The following ELMO2 variants were observed in gnomAD, a reference collection of about 807,000 sequenced individuals.
ELMO2 encodes the protein engulfment and cell motility protein 2.
A neutral mutation model predicts 96.2 loss-of-function variants in ELMO2; 37 were observed. The ratio of observed to expected loss-of-function variants is 0.38; its 90% CI spans 0.30 to 0.51. The LOEUF (loss-of-function observed/expected upper bound fraction) is 0.51. ELMO2 is among the 20% of genes least tolerant of loss of function. ELMO2 has a pLI of 0.88. For synonymous variants in ELMO2, 315 were observed against 329.4 expected (o/e 0.96, Z 0.47); for missense variants, 561 against 912.6 (o/e 0.61, Z 4.96).
intron 7 of ELMO2, among the ~76,000 whole-genome samples, chr20:46,388,109 A>C (rs1027941434): frequency 3.3e-5 from 5 of 152,232 alleles, no homozygotes; most frequent in African/African-American, 1.2e-4. Context: ...TCCTATTTAC[A>C]AAGCATGTTC....
At position 46,380,276 on chromosome 20, in the gene ELMO2, G is replaced by C; in HGVS notation, c.784C>G (p.His262Asp). Residue 262 changes from histidine (H) to aspartate (D), a missense_variant, in exon 11 of 22, where the codon CAT (histidine) becomes GAT (aspartate). Transcript: ENST00000290246. ...QDMANAFAQK[H>D]LRSIILNHVI... The stretch of plus-strand genomic sequence containing the variant: ...ACATTCAGGATTATAGACCGGAGAT[G>C]CTTCTGTGCAAATGCATTTGCCATA... The C allele has an allele frequency of 6.2e-7, 1 of 1,613,698 alleles. No individual in the cohort carries two copies. Among genetic ancestry groups the C allele is most frequent in the South Asian group, 1.1e-5 (1 of 91,036 alleles).
intron 21 of ELMO2, among the ~76,000 whole-genome samples, chr20:46,368,387 T>C (rs146352058): frequency 4.8e-4 from 73 of 152,072 alleles, no homozygotes; most frequent in African/African-American, 1.7e-3. Flanking sequence ...GGCTTCAAAG[T>C]CCACACTGGA....
intron 10 of ELMO2, among the ~76,000 whole-genome samples, chr20:46,382,571 A>G (rs2059975355): frequency 6.6e-6 from 1 of 152,192 alleles, no homozygotes; most frequent in Non-Finnish European, 1.5e-5. Context: ...TGGCCCTTTC[A>G]TTTTACAGAA....
chr20:46,370,162 T>C (rs1389902895), intron 20 of ELMO2: 2 of 568,648 alleles, frequency 3.5e-6, no homozygotes, highest in Non-Finnish European at 6.5e-6. Flanking sequence ...CACTATACGA[T>C]GTACACTAAA....
rs1022895137 is a variant in ELMO2, at chr20:46,375,725, G to A, written c.873C>T (p.Val291=). 1.2e-6 allele frequency: 2 copies of A among 1,614,178 alleles called. No homozygotes were observed. Among genetic ancestry groups the A allele is most frequent in the Non-Finnish European group, 1.7e-6 (2 of 1,180,012 alleles). The change falls in exon 12 of 22, where the codon GTC becomes GTT. Residue 291 remains valine, a synonymous_variant. Transcript: ENST00000290246. The surrounding 1 kb of genome is among the most constrained non-coding windows in gnomAD (Gnocchi z 4.6). The stretch of plus-strand genomic sequence containing the variant: ...TTTCTTCCAGAAGGTTAAAGGTTAG[G>A]ACTTGAAGGACATATAGCTGATGGG... The part of the protein sequence containing the change: ...EMAHQLYVLQ[V]LTFNLLEERM...
chr20:46,394,652 T>C, intron 2 of ELMO2, 120 bp from the exon 3 acceptor site: 1 of 739,040 alleles, frequency 1.4e-6, no homozygotes, highest in Non-Finnish European at 2.2e-6. Context: ...ACTACCTGGT[T>C]TGAATTTTTC....
chr20:46,383,373 T>C, intron 10 of ELMO2, 43 bp downstream of exon 10: 1 of 1,573,650 alleles, frequency 6.4e-7, no homozygotes, highest in Non-Finnish European at 8.7e-7. Flanking sequence ...GAGAATTATC[T>C]CAGAAGAGCC....
At chr20:46,384,477 T>C (rs1482724574) in intron 9 of ELMO2, among the ~76,000 whole-genome samples, 1 of 151,970 alleles carries the variant, frequency 6.6e-6, no homozygotes, top group Non-Finnish European at 1.5e-5. Flanking sequence ...GGGCTGAAAG[T>C]ATTGGCTCCT....
At chr20:46,383,795 A>C (rs1938606942) in intron 9 of ELMO2, among the ~76,000 whole-genome samples, 1 of 152,226 alleles carries the variant, frequency 6.6e-6, no homozygotes, top group Admixed American at 6.5e-5. Flanking sequence ...TATACATATG[A>C]GAATCTTAAG....
chr20:46,391,894 A>C (rs2060156576), intron 6 of ELMO2, among the ~76,000 whole-genome samples: 1 of 147,238 alleles, frequency 6.8e-6, no homozygotes, highest in South Asian at 2.1e-4. Context: ...GCTTTTAAAA[A>C]GCACATCTTT....
At chr20:46,377,349 C>A (rs1005305019) in intron 11 of ELMO2, among the ~76,000 whole-genome samples, 2 of 152,042 alleles carry the variant, frequency 1.3e-5, no homozygotes, top group African/African-American at 4.8e-5. Flanking sequence ...AACTTAATGT[C>A]CCTATTCCTT....
At position 46,389,099 on chromosome 20, in the gene ELMO2, T is replaced by C. The variant is rs1240780094; in HGVS notation, c.365A>G (p.Asn122Ser). The change falls in exon 7 of 22, where the codon AAC becomes AGC. Residue 122 changes from asparagine (N) to serine (S), a missense_variant. Coordinates refer to ENST00000290246, the MANE Select transcript of ELMO2 (RefSeq NM_133171.5). ...TGTCAGCACAATGATGCCATCCATG[T>C]TGATGAACTCAGTAGCGAAAGTCAC... The part of the protein sequence containing the change: ...ADVTFATEFI[N>S]MDGIIVLTRL... 3 of 1,614,012 alleles carry C rather than the reference T, an allele frequency of 1.9e-6. No homozygotes were observed. Among genetic ancestry groups the C allele is most frequent in the Non-Finnish European group, 2.5e-6 (3 of 1,180,022 alleles).
rs949929354 is a variant in ELMO2 at position 46,398,780 on chromosome 20, A to T, written c.-125-9T>A. On this transcript the variant is annotated splice_polypyrimidine_tract_variant and intron_variant, in intron 1 of 21. Transcript: ENST00000290246. The stretch of plus-strand genomic sequence containing the variant: ...CTTTCTACACCTCCCTCCTAAAAGA[A>T]GGAAGGAAAGAAAAAAAATGAAGGG... 1 of 152,216 alleles carries T rather than the reference A, an allele frequency of 6.6e-6. No homozygotes were observed. Among genetic ancestry groups the T allele is most frequent in the Non-Finnish European group, 1.5e-5 (1 of 68,036 alleles). 9.4% of individuals were successfully genotyped at this position (152,216 alleles called of 1,614,324 possible).
chr20:46,383,762 A>C (rs2059996512), intron 9 of ELMO2, among the ~76,000 whole-genome samples: 1 of 152,260 alleles, frequency 6.6e-6, no homozygotes. Context: ...AAAGTAATCC[A>C]AATGGTCACA....
At chr20:46,379,929 G>A (rs2059926269) in intron 11 of ELMO2, 1 of 225,370 alleles carries the variant, frequency 4.4e-6, no homozygotes, top group Non-Finnish European at 8.9e-6. Context: ...AGTGTCAGTT[G>A]GATGAGTTAT....
chr20:46,367,584 G>C, intron 21 of ELMO2, 24 bp from the exon 22 acceptor site: 1 of 1,578,994 alleles, frequency 6.3e-7, no homozygotes. Flanking sequence ...GTTGCAAAAT[G>C]TCACATCGTG....
chr20:46,391,572 T>C (rs1262169383), intron 6 of ELMO2, among the ~76,000 whole-genome samples: 2 of 152,108 alleles, frequency 1.3e-5, no homozygotes, highest in Non-Finnish European at 2.9e-5. Context: ...TAACCAAAGG[T>C]GCAACCATAT....
In ELMO2 at chr20:46,394,429, G is replaced by T; in HGVS notation, c.54C>A (p.Asn18Lys). 1 of 1,614,212 alleles carries T rather than the reference G, an allele frequency of 6.2e-7. No homozygotes were observed. Among genetic ancestry groups the T allele is most frequent in the East Asian group, 2.2e-5 (1 of 44,888 alleles). The change falls in exon 3 of 22, where the codon AAC becomes AAA. Residue 18 changes from asparagine to lysine, a missense_variant. Asn to Lys is a moderately conservative substitution (Grantham distance 94). Transcript: ENST00000290246. The part of the protein sequence containing the change: ...VKVAIEWPGA[N>K]AQLLEIDQKR... ...CCTGGTCGATTTCAAGGAGCTGGGCGTTAGCACCTGGCCACTCAATGGCCA... is the reference window on the plus strand; with the variant it reads ...CCTGGTCGATTTCAAGGAGCTGGGCTTTAGCACCTGGCCACTCAATGGCCA...
intron 7 of ELMO2, among the ~76,000 whole-genome samples, chr20:46,388,592 CGTGTGT>C (rs3079791): frequency 4.1e-5 from 6 of 148,114 alleles, no homozygotes; most frequent in African/African-American, 4.9e-5. Flanking sequence ...CAAAGGAAGG[CGTGTGT>C]GTGTGTGTGT....
Sources: gnomAD v4.1 joint callset for allele counts (sites outside exome capture counted in the v4.1 genomes callset) on GRCh38, gnomAD v4.1.1 for gene constraint, Gnocchi (gnomAD v3.1) non-coding constraint, MANE v1.5 for transcripts, NCBI Gene and HGNC (gene_info 2026-07-23, HGNC 2026-07-21) for gene names.